GPC5: variants seen among roughly 807,000 people sequenced by gnomAD.
GPC5 encodes the protein glypican-5.
Under a neutral mutation model 53.9 loss-of-function variants are expected in GPC5, and 47 were observed. The observed-to-expected ratio is 0.87, with a 90% CI of 0.69 to 1.11. GPC5 has a LOEUF of 1.11. Ranked by LOEUF, GPC5 falls within the 50% of genes most tolerant of loss-of-function variation. GPC5 has a pLI of 0.00. For missense variants in GPC5, 748 were observed against 713.1 expected (o/e 1.05, Z -0.56); for synonymous variants, 286 against 263.3 (o/e 1.09, Z -0.84).
At chr13:92,003,708 C>T (rs2040578388) in intron 6 of GPC5, among the ~76,000 whole-genome samples, 1 of 152,106 alleles carries the variant, frequency 6.6e-6, no homozygotes, top group African/African-American at 2.4e-5. Flanking sequence ...TAATCTAATT[C>T]CCTTCTTTTC....
chr13:91,906,688 A>AT (rs2039556494), intron 5 of GPC5, among the ~76,000 whole-genome samples: 1 of 152,096 alleles, frequency 6.6e-6, no homozygotes, highest in South Asian at 2.1e-4. Flanking sequence ...TATAGCATGC[A>AT]TTTAAGACAT....
chr13:91,581,115 G>C (rs1329231094), intron 2 of GPC5, among the ~76,000 whole-genome samples: 2 of 152,152 alleles, frequency 1.3e-5, no homozygotes, highest in East Asian at 3.8e-4. Context: ...CCTCCCACCA[G>C]GTCCCTCCCA....
At chr13:91,778,029 G>A (rs2037738873) in intron 5 of GPC5, among the ~76,000 whole-genome samples, 1 of 152,018 alleles carries the variant, frequency 6.6e-6, no homozygotes, top group South Asian at 2.1e-4. Flanking sequence ...TTGTCTAAGT[G>A]CTCTTCAAAT....
chr13:91,717,508 C>T (rs986974526), intron 3 of GPC5, among the ~76,000 whole-genome samples: 2 of 151,782 alleles, frequency 1.3e-5, no homozygotes, highest in African/African-American at 2.4e-5. Flanking sequence ...AGTGCAGGAG[C>T]GGGGAAGTGA....
chr13:91,550,298 G>A (rs921513638), intron 2 of GPC5, among the ~76,000 whole-genome samples: 3 of 152,076 alleles, frequency 2.0e-5, no homozygotes, highest in Non-Finnish European at 2.9e-5. Flanking sequence ...GGAAAACTCT[G>A]TATGATACTA....
chr13:92,098,310 T>G (rs1360531469), intron 6 of GPC5, among the ~76,000 whole-genome samples: 2 of 152,152 alleles, frequency 1.3e-5, no homozygotes, highest in African/African-American at 4.8e-5. Context: ...GGCCTTCAGC[T>G]CCTTCCATAT....
intron 7 of GPC5, among the ~76,000 whole-genome samples, chr13:92,794,299 T>C (rs1309910034): frequency 6.6e-6 from 1 of 152,086 alleles, no homozygotes; most frequent in Admixed American, 6.6e-5. Context: ...ATTATCTCAA[T>C]AGATGGAGAA....
intron 7 of GPC5, among the ~76,000 whole-genome samples, chr13:92,674,714 T>C (rs2139211885): frequency 6.6e-6 from 1 of 152,238 alleles, no homozygotes; most frequent in South Asian, 2.1e-4. Flanking sequence ...GTTGAATTTT[T>C]AACATCTATG....
intron 4 of GPC5, among the ~76,000 whole-genome samples, chr13:91,731,585 G>A (rs1031089345): frequency 2.0e-5 from 3 of 152,016 alleles, no homozygotes; most frequent in Non-Finnish European, 2.9e-5. Flanking sequence ...TTAAATGGGT[G>A]TATGTGTGCC....
At chr13:91,510,267 A>T (rs1885165485) in intron 2 of GPC5, among the ~76,000 whole-genome samples, 1 of 152,098 alleles carries the variant, frequency 6.6e-6, no homozygotes. Flanking sequence ...AGCTGCTCTA[A>T]TGTTTTAGAT....
chr13:91,712,433 TTCTC>T lies in GPC5; in HGVS notation c.1021-16098_1021-16095del, dbSNP rs796150156. ...ATATATAATTTGAATATATTGGTGTTTCTCACTAACTTGGGTGAAAGTATGAATC... is the reference window on the plus strand; with the variant it reads ...ATATATAATTTGAATATATTGGTGTTACTAACTTGGGTGAAAGTATGAATC... On this transcript the variant is annotated intron_variant, in intron 3 of 7. Coordinates refer to ENST00000377067, the MANE Select transcript of GPC5 (RefSeq NM_004466.6). Among the ~76,000 whole-genome samples the T allele has an allele frequency of 9.2e-5, 14 of 152,150 alleles. No individual in the cohort carries two copies. The South Asian group carries it at 2.7e-3, about 29-fold the overall frequency.
At chr13:92,267,141 A>G (rs781433648) in intron 7 of GPC5, among the ~76,000 whole-genome samples, 3 of 152,068 alleles carry the variant, frequency 2.0e-5, no homozygotes, top group Admixed American at 6.6e-5. Flanking sequence ...CAAATAAAAT[A>G]TTGCCTAGCT....
At chr13:92,068,387 G>A (rs1484062758) in intron 6 of GPC5, among the ~76,000 whole-genome samples, 1 of 151,690 alleles carries the variant, frequency 6.6e-6, no homozygotes, top group Non-Finnish European at 1.5e-5. Flanking sequence ...CGGTGATCCT[G>A]ATAGCTATAT....
chr13:92,079,459 T>C (rs2041278089), intron 6 of GPC5, among the ~76,000 whole-genome samples: 2 of 152,240 alleles, frequency 1.3e-5, no homozygotes, highest in African/African-American at 4.8e-5. Flanking sequence ...CTGGCATTTC[T>C]TTACATTAAT....
At chr13:91,596,579 G>T (rs1190535702) in intron 2 of GPC5, among the ~76,000 whole-genome samples, 4 of 152,146 alleles carry the variant, frequency 2.6e-5, no homozygotes, top group African/African-American at 9.7e-5. Flanking sequence ...CTTTTAGGGT[G>T]CTGGGTTATT....
intron 7 of GPC5, among the ~76,000 whole-genome samples, chr13:92,624,021 A>G (rs1189101704): frequency 6.9e-6 from 1 of 145,460 alleles, no homozygotes; most frequent in Non-Finnish European, 1.5e-5. Flanking sequence ...TGCTCGGCTA[A>G]TTTTTTTTTT....
At chr13:92,260,134 G>A (rs1249786840) in intron 7 of GPC5, among the ~76,000 whole-genome samples, 4 of 152,124 alleles carry the variant, frequency 2.6e-5, no homozygotes, top group Non-Finnish European at 5.9e-5. Flanking sequence ...TCCAATTAAA[G>A]TCTGTCTAAC....
rs1269681523 is a variant in GPC5 at position 92,866,878 on chromosome 13, C to T, written c.*439C>T. ...GAAATTAGAATATCATGAAATAAAT[C>T]AAAACATACAATGGCAAGTAGTATG... is the stretch of plus-strand genomic sequence containing the variant. On this transcript the variant is annotated 3_prime_UTR_variant, in exon 8 of 8. Coordinates refer to ENST00000377067, the MANE Select transcript of GPC5 (RefSeq NM_004466.6). 6.6e-6 allele frequency: 1 copy of T among 152,328 alleles called. No individual in the cohort carries two copies. The highest frequency in any genetic ancestry group is 1.9e-4 in the East Asian group (1 of 5,188). 9.4% of individuals were successfully genotyped at this position (152,328 alleles called of 1,614,324 possible).
intron 7 of GPC5, among the ~76,000 whole-genome samples, chr13:92,189,794 T>C (rs1446109795): frequency 6.6e-6 from 1 of 152,134 alleles, no homozygotes; most frequent in Non-Finnish European, 1.5e-5. Flanking sequence ...AAGAAAGTGC[T>C]GTCAAATAAA....
Sources: gnomAD v4.1 joint callset for allele counts (sites outside exome capture counted in the v4.1 genomes callset) on GRCh38, gnomAD v4.1.1 for gene constraint, MANE v1.5 for transcripts, NCBI Gene and HGNC (gene_info 2026-07-23, HGNC 2026-07-21) for gene names.